The following THRB variants were observed in gnomAD, a reference collection of about 807,000 sequenced individuals.
THRB encodes the protein thyroid hormone receptor beta, also known as nuclear receptor subfamily 1 group A member 2.
Under a neutral mutation model 47.8 loss-of-function variants are expected in THRB, and 12 were observed. The observed-to-expected ratio is 0.25, with a 90% confidence interval of 0.16 to 0.41. The LOEUF (loss-of-function observed/expected upper bound fraction) is 0.41. THRB is among the 10% of genes least tolerant of loss of function. The pLI is 1.00. For missense variants in THRB, 348 were observed against 589.2 expected (o/e 0.59, Z 4.24); for synonymous variants, 218 against 212.2 (o/e 1.03, Z -0.24).
chr3:24,364,638 C>T (rs1333793642), intron 1 of THRB, among the ~76,000 whole-genome samples: 1 of 152,142 alleles, frequency 6.6e-6, no homozygotes. Flanking sequence ...CTTTCTGCTT[C>T]ATCATCCATG....
intron 4 of THRB, among the ~76,000 whole-genome samples, chr3:24,210,997 G>A (rs142180285): frequency 2.0e-5 from 3 of 151,918 alleles, no homozygotes; most frequent in Non-Finnish European, 4.4e-5. Context: ...TCAGGAGTTC[G>A]AGACCAGCCT....
At chr3:24,278,697 C>T (rs897682628) in intron 3 of THRB, among the ~76,000 whole-genome samples, 1 of 152,108 alleles carries the variant, frequency 6.6e-6, no homozygotes. Flanking sequence ...GTAACTGTTT[C>T]CAGATTTTTA....
intron 5 of THRB, among the ~76,000 whole-genome samples, chr3:24,161,989 G>A (rs1187603860): frequency 6.6e-6 from 1 of 152,040 alleles, no homozygotes. Flanking sequence ...GAGGAGAGTC[G>A]CCCAGGGCAG....
At chr3:24,276,725 A>G (rs1187883742) in intron 3 of THRB, among the ~76,000 whole-genome samples, 1 of 152,232 alleles carries the variant, frequency 6.6e-6, no homozygotes, top group Non-Finnish European at 1.5e-5. Context: ...GGCAACACCA[A>G]TGCTATAACA....
chr3:24,294,199 A>G (rs2056238874), intron 3 of THRB, among the ~76,000 whole-genome samples: 1 of 152,218 alleles, frequency 6.6e-6, no homozygotes, highest in Non-Finnish European at 1.5e-5. Flanking sequence ...GCTGTGAGGA[A>G]GCCCAAGCTA....
chr3:24,343,778 T>A (rs2062834341), intron 1 of THRB, among the ~76,000 whole-genome samples: 1 of 151,964 alleles, frequency 6.6e-6, no homozygotes, highest in Non-Finnish European at 1.5e-5. Context: ...CCATCTCTGC[T>A]GTAAGGCATT....
chr3:24,202,020 A>G (rs559698886), intron 4 of THRB, among the ~76,000 whole-genome samples: 1 of 152,338 alleles, frequency 6.6e-6, no homozygotes, highest in South Asian at 2.1e-4. Flanking sequence ...AGGTTAAACA[A>G]CTTGCCCAAG....
At chr3:24,381,849 A>T (rs13070456) in intron 1 of THRB, among the ~76,000 whole-genome samples, 26 of 152,050 alleles carry the variant, frequency 1.7e-4, no homozygotes, top group Non-Finnish European at 4.4e-5. Flanking sequence ...AAGCTATAAA[A>T]GTCAAGTATG....
chr3:24,444,040 A>G (rs145165688), intron 1 of THRB, among the ~76,000 whole-genome samples: 182 of 152,264 alleles, frequency 1.2e-3, no homozygotes, highest in African/African-American at 4.1e-3. Context: ...TAATTTTAAA[A>G]ATTCTCAGCA....
intron 1 of THRB, among the ~76,000 whole-genome samples, chr3:24,344,248 T>C (rs529646856): frequency 6.6e-6 from 1 of 152,172 alleles, no homozygotes; most frequent in East Asian, 1.9e-4. Flanking sequence ...GTGTATAGTA[T>C]TGCCAAAAGC....
rs756075283 is a variant in THRB at position 24,146,829 on chromosome 3, G to A, written c.385-7C>T. On this transcript the variant is annotated splice_region_variant and splice_polypyrimidine_tract_variant and intron_variant, in intron 6 of 10. Coordinates refer to ENST00000646209, the MANE Select transcript of THRB (RefSeq NM_001354712.2). ...TGGTTCTTCTAAAGAAACCCTATAT[G>A]AAAAACAAAGACCCAAGACAACAGT... 27 of 1,613,156 alleles carry A rather than the reference G, an allele frequency of 1.7e-5. No homozygotes were observed. Among genetic ancestry groups the A allele is most frequent in the Non-Finnish European group, 2.2e-5 (26 of 1,179,198 alleles).
chr3:24,416,809 T>C (rs2068770368), intron 1 of THRB, among the ~76,000 whole-genome samples: 1 of 151,770 alleles, frequency 6.6e-6, no homozygotes, highest in South Asian at 2.1e-4. Context: ...ATCAATCTCC[T>C]AAGGTGAGCC....
At chr3:24,182,439 T>C (rs923164622) in intron 5 of THRB, among the ~76,000 whole-genome samples, 4 of 152,172 alleles carry the variant, frequency 2.6e-5, no homozygotes, top group Non-Finnish European at 4.4e-5. Flanking sequence ...GAAAACTACC[T>C]GATGGAAGAG....
intron 3 of THRB, among the ~76,000 whole-genome samples, chr3:24,296,664 G>A (rs1238369198): frequency 2.0e-5 from 3 of 152,216 alleles, no homozygotes; most frequent in Non-Finnish European, 4.4e-5. Flanking sequence ...AGCAAGCCCT[G>A]TCCTCCTTTC....
At position 24,385,859 on chromosome 3, in the gene THRB, C is replaced by T. The variant is rs140789056; in HGVS notation, c.-260-48488G>A. ...TGCCCTTTTCCTGGAACATTTTGCC[C>T]AATCTTAAATATCAACTCCTACCCT... On this transcript the variant is annotated intron_variant, in intron 1 of 10. Coordinates refer to ENST00000646209, the MANE Select transcript of THRB (RefSeq NM_001354712.2). Among the ~76,000 whole-genome samples the T allele has an allele frequency of 5.1e-3, 782 of 152,158 alleles. 8 individuals carry two copies. The highest frequency in any genetic ancestry group is 0.017 in the African/African-American group (724 of 41,534).
At chr3:24,404,891 A>C (rs1003226934) in intron 1 of THRB, among the ~76,000 whole-genome samples, 3 of 151,822 alleles carry the variant, frequency 2.0e-5, no homozygotes, top group African/African-American at 7.2e-5. Flanking sequence ...TATGTATATA[A>C]CTAAAATAAA....
chr3:24,392,438 T>TA (rs1237329421), intron 1 of THRB, among the ~76,000 whole-genome samples: 1 of 152,194 alleles, frequency 6.6e-6, no homozygotes, highest in Non-Finnish European at 1.5e-5. Flanking sequence ...TTGTTAACTA[T>TA]AATTTCCCTG....
At chr3:24,361,865 G>A (rs964127166) in intron 1 of THRB, among the ~76,000 whole-genome samples, 4 of 152,042 alleles carry the variant, frequency 2.6e-5, no homozygotes, top group South Asian at 2.1e-4. Flanking sequence ...ACCTTCTGCC[G>A]ATTTAACTTA....
chr3:24,361,883 A>G (rs908438677), intron 1 of THRB, among the ~76,000 whole-genome samples: 2 of 152,156 alleles, frequency 1.3e-5, no homozygotes, highest in African/African-American at 4.8e-5. Context: ...TTATGGGCAG[A>G]TGATAGCAGG....
Sources: gnomAD v4.1 joint callset for allele counts (sites outside exome capture counted in the v4.1 genomes callset) on GRCh38, gnomAD v4.1.1 for gene constraint, MANE v1.5 for transcripts, NCBI Gene and HGNC (gene_info 2026-07-23, HGNC 2026-07-21) for gene names.